The following GATA3 variants were observed in gnomAD, a reference collection of about 807,000 sequenced individuals.
GATA3 encodes trans-acting T-cell-specific transcription factor GATA-3.
Under a neutral mutation model 36.0 loss-of-function variants are expected in GATA3, and 6 were observed. The ratio of observed to expected loss-of-function variants is 0.17; its 90% CI spans 0.09 to 0.33. The LOEUF (loss-of-function observed/expected upper bound fraction) is 0.33. Among genes scored for constraint, GATA3 ranks in the 10% least tolerant of loss-of-function variants. The probability of loss-of-function intolerance (pLI) is 1.00; values close to 1 mark genes in which losing one functional copy is unlikely to be tolerated. For missense variants in GATA3, 514 were observed against 610.1 expected (o/e 0.84, Z 1.66); for synonymous variants, 326 against 273.0 (o/e 1.19, Z -1.92).
chr10:8,062,759 C>T (rs3824660), intron 3 of GATA3, among the ~76,000 whole-genome samples: 75,368 of 152,010 alleles, frequency 0.5, 20,632 homozygotes, highest in South Asian at 0.67. Context: ...TGGGCCTCCC[C>T]TCTCTGGGGG....
chr10:8,069,872 T>C (rs1373244717), intron 5 of GATA3, among the ~76,000 whole-genome samples: 1 of 150,120 alleles, frequency 6.7e-6, no homozygotes, highest in Non-Finnish European at 1.5e-5. Flanking sequence ...TGAGTGGGCC[T>C]GTGTGGTTTA....
At chr10:8,057,393 A>G (rs1832658154) in intron 2 of GATA3, among the ~76,000 whole-genome samples, 1 of 152,220 alleles carries the variant, frequency 6.6e-6, no homozygotes, top group African/African-American at 2.4e-5. Flanking sequence ...AAGGCTAATC[A>G]GACTCTGTGT....
rs7087876 is a variant in GATA3 at position 8,060,135 on chromosome 10, T to C, written c.778+1294T>C. 2.9e-3 allele frequency among the ~76,000 whole-genome samples: 440 copies of C among 152,352 alleles called. 3 individuals carry two copies. Among genetic ancestry groups the C allele is most frequent in the African/African-American group, 0.01 (420 of 41,582 alleles). On this transcript the variant is annotated intron_variant, in intron 3 of 5. Transcript: ENST00000379328. Reference sequence around the variant, plus strand: ...CAGGGTGACATTCACTCCGACTGCCTGAGCAGGACTGTCTCTATTTAGTTG... The same window carrying C: ...CAGGGTGACATTCACTCCGACTGCCCGAGCAGGACTGTCTCTATTTAGTTG...
At position 8,069,709 on chromosome 10, in the gene GATA3, G is replaced by C. The variant is rs1023086101; in HGVS notation, c.1050+111G>C. On this transcript the variant is annotated intron_variant, in intron 5 of 5. Transcript: ENST00000379328. ...TCGCTCACCATGGGGGCAGATGACAGGTTCCAAATAATTGATGCAATAGGA... is the reference window on the plus strand; with the variant it reads ...TCGCTCACCATGGGGGCAGATGACACGTTCCAAATAATTGATGCAATAGGA... 5 of 1,306,190 alleles carry C rather than the reference G, an allele frequency of 3.8e-6. No individual in the cohort carries two copies. The African/African-American group carries it at 7.3e-5, about 19-fold the overall frequency. 80.9% of individuals were successfully genotyped at this position (1,306,190 alleles called of 1,614,324 possible).
chr10:8,066,902 G>A (rs2131507155), intron 4 of GATA3, among the ~76,000 whole-genome samples: 1 of 152,208 alleles, frequency 6.6e-6, no homozygotes, highest in South Asian at 2.1e-4. Flanking sequence ...AAGATTACAT[G>A]CTGTACCTTG....
intron 1 of GATA3, among the ~76,000 whole-genome samples, chr10:8,047,792 C>T (rs1832410032): frequency 6.6e-6 from 1 of 152,188 alleles, no homozygotes; most frequent in African/African-American, 2.4e-5. Context: ...CAGCCTAGAG[C>T]TGAGCTGCCC....
Position 8,058,394 on chromosome 10 carries a change from C to G in GATA3, c.331C>G (p.Pro111Ala), listed in dbSNP as rs200765508. 5 of 1,612,892 alleles carry G rather than the reference C, an allele frequency of 3.1e-6. No homozygotes were observed. Among genetic ancestry groups the G allele is most frequent in the South Asian group, 2.2e-5 (2 of 91,072 alleles). The change falls in exon 3 of 6, where the codon CCC (proline) becomes GCC (alanine). Residue 111 changes from proline to alanine, a missense_variant. Pro to Ala is a conservative substitution (Grantham distance 27). Transcript: ENST00000379328. Reference sequence around the variant, plus strand: ...CCTGGGCAGCCACCACACCGCCTCCCCCTGGAATCTCAGCCCCTTCTCCAA... The same window carrying G: ...CCTGGGCAGCCACCACACCGCCTCCGCCTGGAATCTCAGCCCCTTCTCCAA... ...KALGSHHTAS[P>A]WNLSPFSKTS...
intron 1 of GATA3, chr10:8,045,570 C>G (rs2131461777): frequency 6.6e-6 from 1 of 152,430 alleles, no homozygotes; most frequent in East Asian, 1.9e-4. Context: ...CTGCCCGCTC[C>G]ACGTGGAGAG....
chr10:8,056,716 C>T (rs889619637), intron 2 of GATA3, among the ~76,000 whole-genome samples: 1 of 152,160 alleles, frequency 6.6e-6, no homozygotes, highest in African/African-American at 2.4e-5. Flanking sequence ...GTAGGATACA[C>T]CCCCGTTTAA....
chr10:8,074,823 T>C lies in GATA3; in HGVS notation c.*800T>C. Reference sequence around the variant, plus strand: ...AGTCTTAAGAACTGCTTTCTTTCGTTTGTTTGTTTCAATATTTTCCTTCTC... The same window carrying C: ...AGTCTTAAGAACTGCTTTCTTTCGTCTGTTTGTTTCAATATTTTCCTTCTC... On this transcript the variant is annotated 3_prime_UTR_variant, in exon 6 of 6. Transcript: ENST00000379328. The C allele has an allele frequency of 4.3e-6, 1 of 233,796 alleles. No homozygotes were observed. The highest frequency in any genetic ancestry group is 6.0e-5 in the East Asian group (1 of 16,586). The allele number at this position is 233,796 out of a possible 1,614,324, so 14.5% of individuals were successfully genotyped here.
At chr10:8,071,097 C>A (rs139409645) in intron 5 of GATA3, among the ~76,000 whole-genome samples, 2 of 152,294 alleles carry the variant, frequency 1.3e-5, no homozygotes, top group East Asian at 3.9e-4. Flanking sequence ...TTTCAAAGAA[C>A]TTTCATGTTA....
rs1832982366 is a variant in GATA3, at chr10:8,074,429, G to C, written c.*406G>C. The C allele has an allele frequency of 4.0e-6, 1 of 248,098 alleles. No homozygotes were observed. The highest frequency in any genetic ancestry group is 2.2e-5 in the African/African-American group (1 of 45,762). The allele number at this position is 248,098 out of a possible 1,614,324, so 15.4% of individuals were successfully genotyped here. On this transcript the variant is annotated 3_prime_UTR_variant, in exon 6 of 6. Transcript: ENST00000379328. ...AGTGTGGAAATTAAGAAGAAACTAG[G>C]TCTGATATTCAAATGGACAAACTGC...
At chr10:8,070,936 TTTGC>T (rs1182537889) in intron 5 of GATA3, among the ~76,000 whole-genome samples, 5 of 152,176 alleles carry the variant, frequency 3.3e-5, no homozygotes, top group African/African-American at 1.2e-4. Flanking sequence ...CTTTGGGGAA[TTTGC>T]TTGCTGACTA....
chr10:8,048,822 C>T (rs555385141), upstream of GATA3, among the ~76,000 whole-genome samples: 61 of 152,338 alleles, frequency 4.0e-4, no homozygotes, highest in African/African-American at 1.3e-3. Context: ...CTGTCTCCCC[C>T]TTTCCGCTGC....
intron 4 of GATA3, among the ~76,000 whole-genome samples, chr10:8,068,851 G>A (rs1442665851): frequency 2.0e-5 from 3 of 152,242 alleles, no homozygotes; most frequent in Admixed American, 6.5e-5. Flanking sequence ...TCACCCATGT[G>A]TATGTGCCAC....
At position 8,063,954 on chromosome 10, in the gene GATA3, T is replaced by G. The variant is rs759697138; in HGVS notation, c.779-39T>G. ...AATGCTGTCAGCTTTCCTGCGTGTT[T>G]TCCTTCCCTAAGTGGCTTATCTGTG... On this transcript the variant is annotated intron_variant, in intron 3 of 5. Coordinates refer to ENST00000379328, the MANE Select transcript of GATA3 (RefSeq NM_001002295.2). 3.1e-6 allele frequency: 5 copies of G among 1,614,032 alleles called. No individual in the cohort carries two copies. In the Admixed American group the frequency reaches 8.3e-5, roughly 27 times the overall value.
At chr10:8,066,737 A>T (rs970732113) in intron 4 of GATA3, among the ~76,000 whole-genome samples, 2 of 152,216 alleles carry the variant, frequency 1.3e-5, no homozygotes, top group Non-Finnish European at 2.9e-5. Flanking sequence ...ACATCTCACC[A>T]CTAGTGAGAG....
chr10:8,050,022 G>C (rs969269031), upstream of GATA3, among the ~76,000 whole-genome samples: 2 of 152,184 alleles, frequency 1.3e-5, no homozygotes, highest in Non-Finnish European at 2.9e-5. Flanking sequence ...TAGAGAGGCC[G>C]GCCCTGGCCT....
Position 8,055,428 on chromosome 10 carries a change from C to A in GATA3, c.-228C>A. The A allele has an allele frequency of 1.7e-6, 1 of 582,218 alleles. No individual in the cohort carries two copies. The highest frequency in any genetic ancestry group is 3.0e-6 in the Non-Finnish European group (1 of 330,988). 36.1% of individuals were successfully genotyped at this position (582,218 alleles called of 1,614,324 possible). ...CCGTACCCAGTTTTTGGATTTTTGT[C>A]TTCCCCTTCTTCTCTTTGCTAAACG... On this transcript the variant is annotated 5_prime_UTR_variant, in exon 2 of 6. Transcript: ENST00000379328. The surrounding 1 kb of genome is among the most constrained non-coding windows in gnomAD (Gnocchi z 5.4).
Sources: gnomAD v4.1 joint callset for allele counts (sites outside exome capture counted in the v4.1 genomes callset) on GRCh38, gnomAD v4.1.1 for gene constraint, Gnocchi (gnomAD v3.1) non-coding constraint, MANE v1.5 for transcripts, NCBI Gene and HGNC (gene_info 2026-07-23, HGNC 2026-07-21) for gene names.